TAFA2: variants seen among roughly 807,000 people sequenced by gnomAD.
The protein encoded by TAFA2 is TAFA chemokine like family member 2.
TAFA2 carries 7 observed loss-of-function variants against 18.8 expected under a neutral mutation model. The ratio of observed to expected loss-of-function variants is 0.37; its 90% CI spans 0.21 to 0.70. TAFA2 has a LOEUF of 0.70. Among genes scored for constraint, TAFA2 ranks in the 30% least tolerant of loss-of-function variants. The pLI is 0.53. For missense variants in TAFA2, 122 were observed against 158.1 expected (o/e 0.77, Z 1.23); for synonymous variants, 60 against 54.2 (o/e 1.11, Z -0.47).
chr12:61,753,750 T>C lies in TAFA2; in HGVS notation c.260-4A>G, dbSNP rs553294739. On this transcript the variant is annotated splice_polypyrimidine_tract_variant and splice_region_variant and intron_variant, in intron 3 of 4. Coordinates refer to ENST00000416284, the MANE Select transcript of TAFA2 (RefSeq NM_178539.5). The stretch of plus-strand genomic sequence containing the variant: ...CATTTCTGTTCCACTATTGAAGCTA[T>C]AAGAGAGAAAAAAAATTGACTCAAC... 1.3e-4 allele frequency: 208 copies of C among 1,596,644 alleles called. 5 individuals carry two copies. The South Asian group carries it at 2.4e-3, about 18-fold the overall frequency.
At chr12:62,181,994 C>CCA (rs1555196473) in intron 1 of TAFA2, among the ~76,000 whole-genome samples, 3 of 149,312 alleles carry the variant, frequency 2.0e-5, no homozygotes, top group Non-Finnish European at 4.5e-5. Flanking sequence ...AGTCCATCCC[C>CCA]CCCCCGCTAC....
chr12:62,094,071 T>C (rs1409553567), intron 1 of TAFA2, among the ~76,000 whole-genome samples: 2 of 151,982 alleles, frequency 1.3e-5, no homozygotes, highest in Non-Finnish European at 2.9e-5. Flanking sequence ...TTTTAAAACT[T>C]CTTTTCGGTG....
At chr12:62,156,785 G>A (rs2062372317) in intron 1 of TAFA2, among the ~76,000 whole-genome samples, 1 of 152,126 alleles carries the variant, frequency 6.6e-6, no homozygotes, top group East Asian at 1.9e-4. Context: ...ATACGGTGCA[G>A]TGTACACTGC....
intron 1 of TAFA2, among the ~76,000 whole-genome samples, chr12:61,967,937 T>C (rs1032549232): frequency 6.6e-6 from 1 of 151,838 alleles, no homozygotes; most frequent in Non-Finnish European, 1.5e-5. Context: ...CATATTTCTG[T>C]AATCTGGGTC....
intron 1 of TAFA2, among the ~76,000 whole-genome samples, chr12:62,164,344 A>T (rs1033881649): frequency 1.3e-5 from 2 of 152,136 alleles, no homozygotes; most frequent in Non-Finnish European, 2.9e-5. Flanking sequence ...TGGACATCAT[A>T]GTGCTGGAAC....
intron 2 of TAFA2, among the ~76,000 whole-genome samples, chr12:61,843,308 GTGTAC>G (rs1280452474): frequency 6.6e-6 from 1 of 151,990 alleles, no homozygotes; most frequent in Non-Finnish European, 1.5e-5. Flanking sequence ...AACAAAGCTG[GTGTAC>G]TGCTAGGGAA....
At chr12:62,142,675 T>C (rs1030938787) in intron 1 of TAFA2, among the ~76,000 whole-genome samples, 1 of 152,178 alleles carries the variant, frequency 6.6e-6, no homozygotes, top group Admixed American at 6.5e-5. Flanking sequence ...TCAAGCAAAG[T>C]TTCCCATGGT....
chr12:61,740,693 AT>A (rs1868404418), intron 4 of TAFA2, among the ~76,000 whole-genome samples: 1 of 151,920 alleles, frequency 6.6e-6, no homozygotes, highest in South Asian at 2.1e-4. Flanking sequence ...AAATAAGCAA[AT>A]TTTTTAGATG....
rs182313345 is a variant in TAFA2 at position 61,795,994 on chromosome 12, A to G, written c.107-40970T>C. Among the ~76,000 whole-genome samples the G allele has an allele frequency of 2.6e-3, 389 of 152,194 alleles. 3 individuals are homozygous for G. The highest frequency in any genetic ancestry group is 0.01 in the Middle Eastern group (3 of 294). ...ACCAAGTGTTAGTGACAGTGATACT[A>G]TGAAGGAAAAAGAAAAACTAGAAGT... On this transcript the variant is annotated intron_variant, in intron 2 of 4. Coordinates refer to ENST00000416284, the MANE Select transcript of TAFA2 (RefSeq NM_178539.5).
intron 1 of TAFA2, among the ~76,000 whole-genome samples, chr12:61,954,518 G>T (rs1200994853): frequency 7.2e-5 from 11 of 151,944 alleles, no homozygotes; most frequent in Admixed American, 5.9e-4. Flanking sequence ...TCTTACCTGT[G>T]TAGTTACTAA....
Position 62,021,667 on chromosome 12 carries a change from C to T in TAFA2, c.-1-154241G>A, listed in dbSNP as rs1033810231. 9.6e-6 allele frequency: 13 copies of T among 1,360,810 alleles called. No individual in the cohort carries two copies. The Admixed American group carries it at 1.2e-4, about 12-fold the overall frequency. The allele number at this position is 1,360,810 out of a possible 1,614,324, so 84.3% of individuals were successfully genotyped here. On this transcript the variant is annotated intron_variant, in intron 1 of 4. Coordinates refer to ENST00000416284, the MANE Select transcript of TAFA2 (RefSeq NM_178539.5). Reference sequence around the variant, plus strand: ...TGCAGTATCTCATCTTTGGGTTCCACGATGCTCACGTGGTCAGGCAGGGGC... The same window carrying T: ...TGCAGTATCTCATCTTTGGGTTCCATGATGCTCACGTGGTCAGGCAGGGGC...
intron 1 of TAFA2, among the ~76,000 whole-genome samples, chr12:61,943,565 C>T (rs570795487): frequency 0.067 from 9,977 of 147,954 alleles, 442 homozygotes; most frequent in Non-Finnish European, 0.1. Context: ...ACCCATCTCA[C>T]GTGCAGAGAC....
At chr12:62,184,742 C>G (rs564243600) in intron 1 of TAFA2, among the ~76,000 whole-genome samples, 1 of 152,042 alleles carries the variant, frequency 6.6e-6, no homozygotes, top group South Asian at 2.1e-4. Flanking sequence ...TCAAGTGATC[C>G]TCTTGCCTCA....
intron 2 of TAFA2, among the ~76,000 whole-genome samples, chr12:61,764,522 A>C (rs1869705590): frequency 6.6e-6 from 1 of 152,122 alleles, no homozygotes; most frequent in South Asian, 2.1e-4. Context: ...TTGTCCCTGA[A>C]GAGTGTGACT....
At chr12:61,858,374 G>C (rs1873976451) in intron 2 of TAFA2, among the ~76,000 whole-genome samples, 1 of 151,738 alleles carries the variant, frequency 6.6e-6, no homozygotes, top group South Asian at 2.1e-4. Flanking sequence ...CATTCTTTTT[G>C]ATACCCAAAA....
intron 1 of TAFA2, among the ~76,000 whole-genome samples, chr12:62,155,327 T>C (rs1465771566): frequency 6.6e-6 from 1 of 152,080 alleles, no homozygotes; most frequent in East Asian, 1.9e-4. Context: ...ACACATCCCA[T>C]GCTCATGGAT....
At chr12:61,929,191 G>C (rs995303539) in intron 1 of TAFA2, among the ~76,000 whole-genome samples, 22 of 150,544 alleles carry the variant, frequency 1.5e-4, no homozygotes, top group Admixed American at 4.6e-4. Context: ...AGGATCCAAT[G>C]CACAAGTGGA....
At chr12:62,037,754 G>T (rs750415312) in intron 1 of TAFA2, among the ~76,000 whole-genome samples, 2 of 152,066 alleles carry the variant, frequency 1.3e-5, no homozygotes, top group Non-Finnish European at 2.9e-5. Context: ...AATTAGTAAT[G>T]GTCATACAAT....
At chr12:61,839,431 G>GA (rs1873078686) in intron 2 of TAFA2, among the ~76,000 whole-genome samples, 2 of 151,962 alleles carry the variant, frequency 1.3e-5, no homozygotes, top group South Asian at 2.1e-4. Context: ...TTGTTCTACT[G>GA]AAAAAACACA....
Sources: allele counts gnomAD v4.1 joint callset (sites outside exome capture counted in the v4.1 genomes callset), GRCh38; gene constraint gnomAD v4.1.1; transcripts MANE v1.5; gene names NCBI Gene and HGNC (gene_info 2026-07-23, HGNC 2026-07-21).